The following CAST variants were observed in gnomAD, a reference collection of about 807,000 sequenced individuals.
The protein encoded by CAST is calpastatin.
In CAST, 76 loss-of-function variants were observed where a neutral mutation model predicts 119.6. That is an observed-to-expected ratio of 0.64 (90% confidence interval 0.53 to 0.77). CAST has a LOEUF of 0.77. CAST is among the 30% of genes least tolerant of loss of function. The pLI, the probability that CAST is intolerant of heterozygous loss-of-function variation, is 0.00. For missense variants in CAST, 953 were observed against 946.5 expected (o/e 1.01, Z -0.09); for synonymous variants, 319 against 331.6 (o/e 0.96, Z 0.41).
chr5:96,044,226 C>A, the CAST span, among the ~76,000 whole-genome samples: 1 of 152,134 alleles, frequency 6.6e-6, no homozygotes, highest in African/African-American at 2.4e-5. Flanking sequence ...TTCCTTAATT[C>A]ATGTGTTGAA....
chr5:96,491,868 C>T, the CAST span, among the ~76,000 whole-genome samples: 164 of 152,282 alleles, frequency 1.1e-3, no homozygotes, highest in African/African-American at 3.8e-3. Context: ...ACATAATTGG[C>T]GAGAAAGTTG....
intron 3 of CAST, chr5:96,702,750 G>T (rs1169610419): frequency 1.0e-5 from 10 of 984,848 alleles, no homozygotes; most frequent in Middle Eastern, 5.2e-4. Flanking sequence ...CGCCGGGCAG[G>T]GGGGCGGGGA....
At chr5:96,266,436 G>A in the CAST span, among the ~76,000 whole-genome samples, 51 of 152,126 alleles carry the variant, frequency 3.4e-4, no homozygotes, top group Admixed American at 5.9e-4. Flanking sequence ...AAAGGGGAGG[G>A]GGGCACTAGT....
intron 1 of CAST, among the ~76,000 whole-genome samples, chr5:96,556,947 G>T (rs1169859591): frequency 6.6e-6 from 1 of 152,072 alleles, no homozygotes; most frequent in Non-Finnish European, 1.5e-5. Flanking sequence ...AAATGTTAAG[G>T]GCAGCCAGAG....
the CAST span, among the ~76,000 whole-genome samples, chr5:96,354,302 G>A: frequency 1.3e-5 from 2 of 152,060 alleles, no homozygotes; most frequent in African/African-American, 2.4e-5. Flanking sequence ...TAAAAATAAA[G>A]TACACATATA....
chr5:96,394,890 C>T, the CAST span: 1 of 1,614,110 alleles, frequency 6.2e-7, no homozygotes, highest in Non-Finnish European at 8.5e-7. Context: ...ATCTTCTCCA[C>T]CCCTCTTCTG....
At chr5:96,399,133 C>T in the CAST span, 1 of 887,138 alleles carries the variant, frequency 1.1e-6, no homozygotes, top group Non-Finnish European at 1.8e-6. Flanking sequence ...AGATGCTCAA[C>T]TAAGCTTTTT....
intron 1 of CAST, among the ~76,000 whole-genome samples, chr5:96,653,516 C>T (rs116113467): frequency 1.1e-3 from 160 of 152,304 alleles, no homozygotes; most frequent in African/African-American, 3.7e-3. Flanking sequence ...TCTTAAAACA[C>T]CCATCTCCTT....
the CAST span, among the ~76,000 whole-genome samples, chr5:96,476,650 C>A: frequency 6.6e-6 from 1 of 152,158 alleles, no homozygotes; most frequent in Non-Finnish European, 1.5e-5. Context: ...CCTTGGCTAG[C>A]CACTTCTCTA....
the CAST span, among the ~76,000 whole-genome samples, chr5:96,272,013 G>C: frequency 6.6e-6 from 1 of 152,126 alleles, no homozygotes; most frequent in Non-Finnish European, 1.5e-5. Flanking sequence ...TTTTTTAAAT[G>C]CTCAACAGCA....
chr5:96,255,613 T>C, the CAST span, among the ~76,000 whole-genome samples: 29,529 of 152,022 alleles, frequency 0.19, 3,604 homozygotes, highest in Non-Finnish European at 0.26. Context: ...GCATTTTTAA[T>C]GGATGATGAC....
At chr5:96,091,504 CTTTTTT>C in the CAST span, among the ~76,000 whole-genome samples, 1 of 98,540 alleles carries the variant, frequency 1.0e-5, no homozygotes, top group African/African-American at 4.1e-5. Context: ...CATGCCTGGC[CTTTTTT>C]TTTTTTTTTT....
the CAST span, among the ~76,000 whole-genome samples, chr5:96,389,756 C>T: frequency 6.6e-5 from 10 of 152,096 alleles, no homozygotes; most frequent in East Asian, 1.9e-4. Context: ...GGCAACATGA[C>T]GAAACCTGTC....
chr5:96,195,864 G>C, the CAST span, among the ~76,000 whole-genome samples: 2 of 152,006 alleles, frequency 1.3e-5, no homozygotes, highest in Non-Finnish European at 2.9e-5. Context: ...TTAAATACAG[G>C]CATTTAATAT....
chr5:95,977,995 C>T, the CAST span, among the ~76,000 whole-genome samples: 1 of 150,736 alleles, frequency 6.6e-6, no homozygotes, highest in Non-Finnish European at 1.5e-5. Context: ...TTTTTTATGG[C>T]TGCATGGTAT....
At chr5:96,638,493 A>G (rs1449446945) in intron 1 of CAST, among the ~76,000 whole-genome samples, 1 of 152,196 alleles carries the variant, frequency 6.6e-6, no homozygotes, top group African/African-American at 2.4e-5. Flanking sequence ...CTTCTCTTCC[A>G]TAGGAAAAGC....
chr5:96,446,804 G>A, the CAST span, among the ~76,000 whole-genome samples: 1 of 152,168 alleles, frequency 6.6e-6, no homozygotes, highest in Non-Finnish European at 1.5e-5. Context: ...CTGGATAAAT[G>A]TTGCCTGGGC....
At chr5:96,171,310 G>A in the CAST span, among the ~76,000 whole-genome samples, 1 of 152,320 alleles carries the variant, frequency 6.6e-6, no homozygotes, top group East Asian at 1.9e-4. Flanking sequence ...TAGGTCAGGT[G>A]TGAGTTGAAG....
At chr5:96,380,619 T>C in the CAST span, among the ~76,000 whole-genome samples, 1 of 152,306 alleles carries the variant, frequency 6.6e-6, no homozygotes, top group Non-Finnish European at 1.5e-5. Context: ...AAACAACTGA[T>C]AGTCTTTGTT....
Sources: gnomAD v4.1 joint callset for allele counts (sites outside exome capture counted in the v4.1 genomes callset) on GRCh38, gnomAD v4.1.1 for gene constraint, MANE v1.5 for transcripts, NCBI Gene and HGNC (gene_info 2026-07-23, HGNC 2026-07-21) for gene names.